Variants in WDFY3 observed in about 807,000 individuals in gnomAD.
WDFY3 encodes WD repeat and FYVE domain containing 3, also known as WD repeat and FYVE domain-containing protein 3.
WDFY3 carries 66 observed loss-of-function variants against 409.6 expected under a neutral mutation model. The ratio of observed to expected loss-of-function variants is 0.16; its 90% confidence interval spans 0.13 to 0.20. The LOEUF is 0.20. Among genes scored for constraint, WDFY3 ranks in the 10% least tolerant of loss-of-function variants. WDFY3 has a pLI of 1.00. For missense variants in WDFY3, 3,031 were observed against 4,298.1 expected (o/e 0.71, Z 8.24); for synonymous variants, 1,521 against 1,537.1 (o/e 0.99, Z 0.25).
intron 5 of WDFY3, chr4:84,849,692 C>G: frequency 2.0e-6 from 1 of 508,748 alleles, no homozygotes. Flanking sequence ...TGGTAGTGGT[C>G]CAGGCAGAGT....
At chr4:84,849,092 C>T (rs1259459982) in intron 5 of WDFY3, among the ~76,000 whole-genome samples, 2 of 151,990 alleles carry the variant, frequency 1.3e-5, no homozygotes, top group East Asian at 3.9e-4. Flanking sequence ...TTTTATAAAG[C>T]TGCTGGAAAA....
chr4:84,746,248 T>C (rs1739432846), intron 36 of WDFY3, among the ~76,000 whole-genome samples: 1 of 151,100 alleles, frequency 6.6e-6, no homozygotes, highest in South Asian at 2.1e-4. Flanking sequence ...CCTCAGCAGG[T>C]CAAGGATGCA....
intron 56 of WDFY3, 91 bp from the exon 57 acceptor site, chr4:84,696,914 G>C (rs1730246216): frequency 8.8e-7 from 1 of 1,131,452 alleles, no homozygotes; most frequent in African/African-American, 1.6e-5. Flanking sequence ...TGGTGGGTTA[G>C]ATTCAATACC....
chr4:84,693,922 A>C (rs1035885394), intron 58 of WDFY3, among the ~76,000 whole-genome samples: 1 of 151,848 alleles, frequency 6.6e-6, no homozygotes, highest in African/African-American at 2.4e-5. Context: ...AAGTACATTT[A>C]AGATTACTAT....
intron 56 of WDFY3, among the ~76,000 whole-genome samples, chr4:84,698,967 C>T (rs1730613260): frequency 6.6e-6 from 1 of 152,136 alleles, no homozygotes; most frequent in African/African-American, 2.4e-5. Context: ...GAACTACAGG[C>T]GTGAGCCACT....
rs550327414 is a variant in WDFY3 at position 84,718,621 on chromosome 4, A to G, written c.7606-51T>C. On this transcript the variant is annotated intron_variant, in intron 47 of 67. Coordinates refer to ENST00000295888, the MANE Select transcript of WDFY3 (RefSeq NM_014991.6). The stretch of plus-strand genomic sequence containing the variant: ...TTAATATAGGCTTTTTGTAAAGATC[A>G]ATTTTTGTTAGACTACTACGGCATC... 1.0e-5 allele frequency: 16 copies of G among 1,579,856 alleles called. No homozygotes were observed. The African/African-American group carries it at 2.0e-4, about 20-fold the overall frequency.
chr4:84,882,458 T>C (rs1039382929), intron 3 of WDFY3, among the ~76,000 whole-genome samples: 3 of 152,188 alleles, frequency 2.0e-5, no homozygotes, highest in Non-Finnish European at 4.4e-5. Flanking sequence ...GCAGAGACTC[T>C]TCCTGCTGAC....
intron 3 of WDFY3, among the ~76,000 whole-genome samples, chr4:84,867,570 T>C (rs920000091): frequency 2.0e-5 from 3 of 152,194 alleles, no homozygotes; most frequent in African/African-American, 4.8e-5. Flanking sequence ...CAAACCCAGA[T>C]AGTATTTCTT....
chr4:84,815,445 C>T lies in WDFY3; in HGVS notation c.1887+1947G>A, dbSNP rs143159178. 3.9e-5 allele frequency among the ~76,000 whole-genome samples: 6 copies of T among 152,244 alleles called. No individual in the cohort carries two copies. In the East Asian group the frequency reaches 1.2e-3, roughly 29 times the overall value. ...TCAAACAATACAATTATTTTATCTA[C>T]AGACCTTGTGTTTTTTCCAAATCCC... On this transcript the variant is annotated intron_variant, in intron 13 of 67. Coordinates refer to ENST00000295888, the MANE Select transcript of WDFY3 (RefSeq NM_014991.6).
At chr4:84,843,701 C>T (rs1292304351) in intron 5 of WDFY3, among the ~76,000 whole-genome samples, 2 of 152,078 alleles carry the variant, frequency 1.3e-5, no homozygotes, top group Non-Finnish European at 2.9e-5. Flanking sequence ...GCTACTGTGC[C>T]CAGCCTCACG....
intron 2 of WDFY3, among the ~76,000 whole-genome samples, chr4:84,901,477 G>A (rs572230939): frequency 2.0e-5 from 3 of 152,256 alleles, no homozygotes; most frequent in East Asian, 3.9e-4. Flanking sequence ...CCCCACCAGA[G>A]GGAGTTTCTT....
intron 8 of WDFY3, among the ~76,000 whole-genome samples, chr4:84,830,340 GTACAT>G (rs1223511340): frequency 6.6e-6 from 1 of 152,132 alleles, no homozygotes. Flanking sequence ...ACAGTATTCA[GTACAT>G]TACATGAGGT....
At chr4:84,964,408 G>A (rs1050072925) in intron 1 of WDFY3, among the ~76,000 whole-genome samples, 3 of 152,252 alleles carry the variant, frequency 2.0e-5, no homozygotes, top group Non-Finnish European at 2.9e-5. Context: ...GTTCAAGGCT[G>A]CAGTGAACCG....
chr4:84,755,426 T>C (rs758778106), intron 33 of WDFY3, 26 bp from the exon 34 acceptor site: 1 of 1,579,390 alleles, frequency 6.3e-7, no homozygotes, highest in Non-Finnish European at 8.6e-7. Context: ...GGAGCAAATA[T>C]TAGCCACCAC....
chr4:84,781,236 A>T (rs79423361), intron 25 of WDFY3, among the ~76,000 whole-genome samples: 5,501 of 150,778 alleles, frequency 0.036, 134 homozygotes, highest in Middle Eastern at 0.054. Flanking sequence ...AAAAAAAAAA[A>T]TCACACCTAC....
At chr4:84,705,711 G>C (rs1731817197) in intron 53 of WDFY3, among the ~76,000 whole-genome samples, 200 bp from the exon 54 acceptor site, 1 of 152,156 alleles carries the variant, frequency 6.6e-6, no homozygotes, top group African/African-American at 2.4e-5. Context: ...ATGGGAGTTG[G>C]TTAACAGATT....
chr4:84,761,291 G>T (rs1742548994), intron 32 of WDFY3, among the ~76,000 whole-genome samples: 1 of 152,144 alleles, frequency 6.6e-6, no homozygotes, highest in Non-Finnish European at 1.5e-5. Context: ...TGTTGATTTG[G>T]GGTGGAGAGT....
intron 11 of WDFY3, 148 bp from the exon 12 acceptor site, chr4:84,820,334 G>T: frequency 1.9e-6 from 1 of 523,580 alleles, no homozygotes; most frequent in Non-Finnish European, 3.1e-6. Context: ...AACGATGCAT[G>T]CATCCAACAT....
chr4:84,756,559 T>G (rs868146283), intron 33 of WDFY3, among the ~76,000 whole-genome samples: 4 of 150,650 alleles, frequency 2.7e-5, no homozygotes, highest in African/African-American at 9.8e-5. Context: ...CACTCTAGCC[T>G]GGGTGACAGA....
Sources: allele counts gnomAD v4.1 joint callset (sites outside exome capture counted in the v4.1 genomes callset), GRCh38; gene constraint gnomAD v4.1.1; transcripts MANE v1.5; gene names NCBI Gene and HGNC (gene_info 2026-07-23, HGNC 2026-07-21).